Variants in DNER observed in about 807,000 individuals in gnomAD.
The protein encoded by DNER is delta and Notch-like epidermal growth factor-related receptor.
DNER carries 33 observed loss-of-function variants against 78.2 expected under a neutral mutation model. The ratio of observed to expected loss-of-function variants is 0.42; its 90% CI spans 0.32 to 0.56. DNER has a LOEUF of 0.56. DNER is among the 20% of genes least tolerant of loss of function. DNER has a pLI of 0.11. For missense variants in DNER, 918 were observed against 975.3 expected (o/e 0.94, Z 0.78); for synonymous variants, 417 against 384.8 (o/e 1.08, Z -0.98).
At chr2:229,643,304 A>G (rs140815089) in intron 1 of DNER, among the ~76,000 whole-genome samples, 88 of 152,316 alleles carry the variant, frequency 5.8e-4, no homozygotes, top group African/African-American at 2.0e-3. Context: ...TATATCCTTT[A>G]TGGGCCTCAG....
intron 11 of DNER, among the ~76,000 whole-genome samples, chr2:229,377,204 G>A (rs962816447): frequency 1.3e-5 from 2 of 152,178 alleles, no homozygotes; most frequent in Non-Finnish European, 2.9e-5. Flanking sequence ...CTGATTGAAT[G>A]CATAAATCTA....
At chr2:229,501,275 T>C (rs1468398707) in intron 6 of DNER, among the ~76,000 whole-genome samples, 2 of 150,668 alleles carry the variant, frequency 1.3e-5, no homozygotes, top group Non-Finnish European at 3.0e-5. Context: ...CCTTAAAAAA[T>C]GCTAAGAAAG....
rs1696632737 is a variant in DNER, at chr2:229,546,770, GAGAC to G, written c.993+173_993+176del. ...AAGAATGTATATATCAACTTGGCTT[GAGAC>G]AGACAGATAGACAGATAGATAGATA... On this transcript the variant is annotated intron_variant, in intron 5 of 12. Coordinates refer to ENST00000341772, the MANE Select transcript of DNER (RefSeq NM_139072.4). Among the ~76,000 whole-genome samples, 3 of 150,460 alleles carry G rather than the reference GAGAC, an allele frequency of 2.0e-5. No homozygotes were observed. In the South Asian group the frequency reaches 6.3e-4, roughly 32 times the overall value.
At chr2:229,601,153 A>G (rs907680960) in intron 1 of DNER, among the ~76,000 whole-genome samples, 2 of 152,186 alleles carry the variant, frequency 1.3e-5, no homozygotes, top group Non-Finnish European at 2.9e-5. Flanking sequence ...TTGTGTTTCT[A>G]TGTCCAAAAC....
At chr2:229,399,889 G>T (rs1449351100) in intron 10 of DNER, among the ~76,000 whole-genome samples, 1 of 151,930 alleles carries the variant, frequency 6.6e-6, no homozygotes. Flanking sequence ...TGTGAGAAAA[G>T]ATTCTAACTA....
chr2:229,387,511 G>GAAAGA (rs1553602531), intron 11 of DNER, among the ~76,000 whole-genome samples: 68 of 39,920 alleles, frequency 1.7e-3, no homozygotes, highest in Non-Finnish European at 1.9e-3. Context: ...AAGAAAGAGA[G>GAAAGA]AAAGAAAGAA....
Position 229,668,451 on chromosome 2 carries a change from T to C in DNER, c.276+45697A>G, listed in dbSNP as rs1452241873. On this transcript the variant is annotated intron_variant, in intron 1 of 12. Transcript: ENST00000341772. ...ATATATATATATATATACACTTATA[T>C]ATATATATAAAAGAAGACATATATA... Among the ~76,000 whole-genome samples the C allele has an allele frequency of 2.8e-5, 4 of 143,778 alleles. No homozygotes were observed. In the East Asian group the frequency reaches 7.9e-4, roughly 29 times the overall value. The allele number at this position is 143,778 out of a possible 152,430, so 94.3% of individuals were successfully genotyped here. A position where few individuals can be genotyped will look rare whatever the true frequency, so the allele number is the denominator to read the frequency against.
chr2:229,362,184 CA>C (rs1434233302), intron 12 of DNER, among the ~76,000 whole-genome samples: 2 of 152,258 alleles, frequency 1.3e-5, no homozygotes, highest in African/African-American at 4.8e-5. Context: ...CACTCAACAT[CA>C]CATTCCATTG....
At chr2:229,548,951 G>A (rs1000757838) in intron 4 of DNER, among the ~76,000 whole-genome samples, 1 of 152,116 alleles carries the variant, frequency 6.6e-6, no homozygotes, top group Non-Finnish European at 1.5e-5. Flanking sequence ...ACACAGGCTT[G>A]AAAATGAAAT....
At chr2:229,706,388 T>C (rs1223302407) in intron 1 of DNER, among the ~76,000 whole-genome samples, 1 of 64,120 alleles carries the variant, frequency 1.6e-5, no homozygotes, top group Non-Finnish European at 3.5e-5. Context: ...TCATCTCTAG[T>C]AAAAATACAA....
intron 5 of DNER, 128 bp downstream of exon 5, chr2:229,546,819 A>G (rs1574896009): frequency 7.4e-7 from 1 of 1,346,128 alleles, no homozygotes; most frequent in African/African-American, 1.5e-5. Flanking sequence ...ACAGACAGAC[A>G]GACAGACAGA....
intron 4 of DNER, among the ~76,000 whole-genome samples, chr2:229,567,986 C>G (rs1440521020): frequency 1.3e-5 from 2 of 152,192 alleles, no homozygotes; most frequent in African/African-American, 4.8e-5. Context: ...AAATCCCAAT[C>G]TGAGTGTGAA....
At chr2:229,400,421 A>G (rs897612720) in intron 10 of DNER, among the ~76,000 whole-genome samples, 2 of 152,064 alleles carry the variant, frequency 1.3e-5, no homozygotes, top group African/African-American at 2.4e-5. Flanking sequence ...CTATTCTCCA[A>G]TTAAAAAAAC....
chr2:229,471,451 A>C (rs1020621150), intron 7 of DNER, among the ~76,000 whole-genome samples: 2 of 152,236 alleles, frequency 1.3e-5, no homozygotes, highest in African/African-American at 4.8e-5. Context: ...AACCCCAGGC[A>C]TTCCCTAGAG....
chr2:229,712,263 A>G (rs901789470), intron 1 of DNER, among the ~76,000 whole-genome samples: 5 of 152,244 alleles, frequency 3.3e-5, no homozygotes, highest in African/African-American at 4.8e-5. Context: ...TTCGGAATGA[A>G]TTATATTATA....
chr2:229,601,294 T>C (rs1235316323), intron 1 of DNER, among the ~76,000 whole-genome samples: 2 of 152,066 alleles, frequency 1.3e-5, no homozygotes, highest in Non-Finnish European at 2.9e-5. Context: ...ATTTCAACTA[T>C]ATTCCAACAC....
At chr2:229,562,223 G>A (rs536866062) in intron 4 of DNER, among the ~76,000 whole-genome samples, 2 of 152,110 alleles carry the variant, frequency 1.3e-5, no homozygotes, top group African/African-American at 4.8e-5. Flanking sequence ...CACCACCTCT[G>A]CCACCTGGCC....
chr2:229,364,400 A>C (rs2106325273), intron 12 of DNER, among the ~76,000 whole-genome samples: 1 of 152,006 alleles, frequency 6.6e-6, no homozygotes, highest in Non-Finnish European at 1.5e-5. Flanking sequence ...AAAAGCTACT[A>C]CCCTTTATTT....
chr2:229,655,740 G>A (rs1038254584), intron 1 of DNER, among the ~76,000 whole-genome samples: 2 of 152,048 alleles, frequency 1.3e-5, no homozygotes, highest in African/African-American at 4.8e-5. Flanking sequence ...ACTAAATTAA[G>A]GATTTGCAGA....
Sources: allele counts gnomAD v4.1 joint callset (sites outside exome capture counted in the v4.1 genomes callset), GRCh38; gene constraint gnomAD v4.1.1; transcripts MANE v1.5; gene names NCBI Gene and HGNC (gene_info 2026-07-23, HGNC 2026-07-21).